The following PSD2 variants were observed in gnomAD, a reference collection of about 807,000 sequenced individuals.
The protein encoded by PSD2 is PH and SEC7 domain-containing protein 2.
In PSD2, 38 loss-of-function variants were observed where a neutral mutation model predicts 69.8. The ratio of observed to expected loss-of-function variants is 0.54; its 90% CI spans 0.42 to 0.71. The LOEUF is 0.71. Ranked by LOEUF, PSD2 falls within the 30% of genes least tolerant of loss-of-function variation. PSD2 has a pLI of 0.00. For synonymous variants in PSD2, 412 were observed against 423.0 expected, an observed-to-expected ratio of 0.97 and a Z score of 0.32; for missense variants, 943 against 1,014.5, an observed-to-expected ratio of 0.93 and a Z score of 0.96.
chr5:139,790,622 C>T, the PSD2 span, among the ~76,000 whole-genome samples: 2 of 152,076 alleles, frequency 1.3e-5, no homozygotes, highest in African/African-American at 4.8e-5. Flanking sequence ...AAGGAGGAAG[C>T]GGGGATGAAC....
At chr5:139,800,071 G>T (rs1485447725) in intron 1 of PSD2, among the ~76,000 whole-genome samples, 1 of 152,210 alleles carries the variant, frequency 6.6e-6, no homozygotes, top group Non-Finnish European at 1.5e-5. Context: ...TGGGCTTCAG[G>T]CACCAGCAGG....
At chr5:139,790,638 C>T in the PSD2 span, among the ~76,000 whole-genome samples, 1 of 152,160 alleles carries the variant, frequency 6.6e-6, no homozygotes, top group South Asian at 2.1e-4. Flanking sequence ...TGAACGGTGT[C>T]AGATGCTGTC....
intron 5 of PSD2, among the ~76,000 whole-genome samples, chr5:139,820,110 G>T (rs1484595081): frequency 6.6e-6 from 1 of 152,182 alleles, no homozygotes; most frequent in Admixed American, 6.5e-5. Context: ...AAGGGCTGCT[G>T]GTGCCAAGAT....
intron 1 of PSD2, among the ~76,000 whole-genome samples, chr5:139,800,142 TA>T (rs926815203): frequency 1.3e-5 from 2 of 152,218 alleles, no homozygotes; most frequent in African/African-American, 4.8e-5. Flanking sequence ...GAAGCCAGGA[TA>T]ATCCTGCCAC....
chr5:139,811,905 C>T (rs1759978081), intron 2 of PSD2, among the ~76,000 whole-genome samples: 2 of 152,088 alleles, frequency 1.3e-5, no homozygotes, highest in African/African-American at 4.8e-5. Flanking sequence ...CTGTCTAGCT[C>T]TTTCTTTCTC....
the PSD2 span, among the ~76,000 whole-genome samples, chr5:139,788,973 G>A: frequency 2.0e-5 from 3 of 152,178 alleles, no homozygotes; most frequent in East Asian, 3.8e-4. Flanking sequence ...TCCTCCCCAC[G>A]CTCCCTCCTG....
intron 7 of PSD2, among the ~76,000 whole-genome samples, chr5:139,831,404 T>G (rs1438653103): frequency 6.6e-6 from 1 of 152,252 alleles, no homozygotes; most frequent in East Asian, 1.9e-4. Context: ...TTATGATATA[T>G]TTGAGTTTAA....
At chr5:139,766,827 CCTTCTTTCTTT>C in the PSD2 span, among the ~76,000 whole-genome samples, 28 of 51,618 alleles carry the variant, frequency 5.4e-4, 4 homozygotes, top group Non-Finnish European at 9.8e-4. Flanking sequence ...CAAGTCCCTT[CCTTCTTTCTTT>C]CTTTCTTTCT....
chr5:139,743,789 G>A, the PSD2 span: 1 of 152,342 alleles, frequency 6.6e-6, no homozygotes, highest in East Asian at 1.9e-4. Context: ...TGAGAGTCTG[G>A]TTGCTGGGCT....
At chr5:139,792,859 T>C (rs912974481), upstream of PSD2, among the ~76,000 whole-genome samples, 33 of 107,890 alleles carry the variant, frequency 3.1e-4, no homozygotes, top group African/African-American at 7.6e-4. Context: ...TCTTTCTGTC[T>C]TTCCTTCCTT....
the PSD2 span, among the ~76,000 whole-genome samples, chr5:139,753,423 C>T: frequency 6.6e-6 from 1 of 152,122 alleles, no homozygotes; most frequent in Admixed American, 6.5e-5. Flanking sequence ...TGTGGCTGGG[C>T]CTGTGATTAA....
chr5:139,832,522 C>G (rs975069205), intron 7 of PSD2, among the ~76,000 whole-genome samples: 2 of 152,324 alleles, frequency 1.3e-5, no homozygotes, highest in Non-Finnish European at 2.9e-5. Flanking sequence ...GTGCCAATGT[C>G]AGTAAACTTG....
At position 139,814,472 on chromosome 5, in the gene PSD2, CTCCCAACAGT is replaced by C; in HGVS notation, c.1016+113_1016+122del. ...AGGGGTGCCAGGTGCTGGGGGGGCACTCCCAACAGTTCCCCAAGGACACCTCCTCCCGCCA... is the reference window on the plus strand; with the variant it reads ...AGGGGTGCCAGGTGCTGGGGGGGCACTCCCCAAGGACACCTCCTCCCGCCA... On this transcript the variant is annotated intron_variant, in intron 4 of 14. Coordinates refer to ENST00000274710, the MANE Select transcript of PSD2 (RefSeq NM_032289.4). The surrounding 1 kb of genome is among the most constrained non-coding windows in gnomAD (Gnocchi z 4.4). 1 of 989,794 alleles carries C rather than the reference CTCCCAACAGT, an allele frequency of 1.0e-6. No individual in the cohort carries two copies. The highest frequency in any genetic ancestry group is 1.4e-6 in the Non-Finnish European group (1 of 701,354). The allele number at this position is 989,794 out of a possible 1,614,324, so 61.3% of individuals were successfully genotyped here.
Position 139,813,392 on chromosome 5 carries a change from G to A in PSD2, c.455G>A (p.Gly152Asp), listed in dbSNP as rs1041130240. The A allele has an allele frequency of 6.8e-6, 11 of 1,607,956 alleles. No homozygotes were observed. The highest frequency in any genetic ancestry group is 9.4e-6 in the Non-Finnish European group (11 of 1,175,180). ...ATTCTGGAGTCAGAGCTGCTGCGGGGCACCCAGTACAGCAGCCTCGACTCC... is the reference window on the plus strand; with the variant it reads ...ATTCTGGAGTCAGAGCTGCTGCGGGACACCCAGTACAGCAGCCTCGACTCC... ...EKILESELLR[G>D]TQYSSLDSLD... The change falls in exon 3 of 15, where the codon GGC becomes GAC. Residue 152 changes from glycine (G) to aspartate (D), a missense_variant. Coordinates refer to ENST00000274710, the MANE Select transcript of PSD2 (RefSeq NM_032289.4).
At chr5:139,764,696 C>T in the PSD2 span, among the ~76,000 whole-genome samples, 2 of 152,190 alleles carry the variant, frequency 1.3e-5, no homozygotes, top group Admixed American at 1.3e-4. Context: ...AGGCCGAAAC[C>T]TGATGGGAGG....
chr5:139,803,353 G>C (rs1263149432), intron 1 of PSD2, among the ~76,000 whole-genome samples: 1 of 152,246 alleles, frequency 6.6e-6, no homozygotes, highest in Non-Finnish European at 1.5e-5. Flanking sequence ...GGCCTGTGCT[G>C]TGTGCTGCTG....
chr5:139,817,485 G>C lies in PSD2; in HGVS notation c.1021G>C (p.Glu341Gln). 1 of 1,613,986 alleles carries C rather than the reference G, an allele frequency of 6.2e-7. No homozygotes were observed. The highest frequency in any genetic ancestry group is 8.5e-7 in the Non-Finnish European group (1 of 1,179,860). The change falls in exon 5 of 15, where the codon GAG (glutamate) becomes CAG (glutamine). Residue 341 changes from glutamate (E) to glutamine (Q), a missense_variant. By Grantham distance (29) the Glu-to-Gln change is conservative. This residue lies in a region of PSD2 where 312 missense variants were observed against 400.7 expected (regional missense o/e 0.78). Coordinates refer to ENST00000274710, the MANE Select transcript of PSD2 (RefSeq NM_032289.4). ...CATCCCATACTCTCCTGGCAGCAACGAGTTTAGCAGGCTGGTGGCCGGGGA... is the reference window on the plus strand; with the variant it reads ...CATCCCATACTCTCCTGGCAGCAACCAGTTTAGCAGGCTGGTGGCCGGGGA... ...DVARQLGKNN[E>Q]FSRLVAGEYL...
rs1452620409 is a variant in PSD2, at chr5:139,839,879, TC to T, written c.1969-146del. The T allele has an allele frequency of 1.3e-6, 1 of 790,940 alleles. No individual in the cohort carries two copies. The highest frequency in any genetic ancestry group is 1.7e-5 in the African/African-American group (1 of 58,144). The allele number at this position is 790,940 out of a possible 1,614,324, so 49.0% of individuals were successfully genotyped here. A position where few individuals can be genotyped will look rare whatever the true frequency, so the allele number is the denominator to read the frequency against. ...GTGGGAGGAAGAGCATGCCCTCAGGTCCAGAGTCTGGCTCTGTCCCCACATT... is the reference window on the plus strand; with the variant it reads ...GTGGGAGGAAGAGCATGCCCTCAGGTCAGAGTCTGGCTCTGTCCCCACATT... On this transcript the variant is annotated intron_variant, in intron 13 of 14. Transcript: ENST00000274710. This position sits in a 1 kb window ranked among gnomAD's most constrained non-coding sequence, Gnocchi z 5.1.
At chr5:139,830,559 TTC>T (rs1561605167) in intron 7 of PSD2, among the ~76,000 whole-genome samples, 10 of 139,140 alleles carry the variant, frequency 7.2e-5, no homozygotes, top group African/African-American at 2.7e-4. Context: ...CCTTCCTTCC[TTC>T]CTTCCTTTCT....
Sources: allele counts gnomAD v4.1 joint callset (sites outside exome capture counted in the v4.1 genomes callset), GRCh38; gene constraint gnomAD v4.1.1; regional missense constraint gnomAD v4.1.1; non-coding constraint Gnocchi (gnomAD v3.1); transcripts MANE v1.5; gene names NCBI Gene and HGNC (gene_info 2026-07-23, HGNC 2026-07-21).